Variants in SCMH1 observed in about 807,000 individuals in gnomAD.
SCMH1 encodes the protein polycomb protein SCMH1.
A neutral mutation model predicts 70.8 loss-of-function variants in SCMH1; 37 were observed. The ratio of observed to expected loss-of-function variants is 0.52; its 90% CI spans 0.40 to 0.69. SCMH1 has a LOEUF of 0.69. Ranked by LOEUF, SCMH1 falls within the 30% of genes least tolerant of loss-of-function variation. SCMH1 has a pLI of 0.00. For missense variants in SCMH1, 607 were observed against 827.3 expected, an observed-to-expected ratio of 0.73 and a Z score of 3.27; for synonymous variants, 292 against 307.4, an observed-to-expected ratio of 0.95 and a Z score of 0.52.
chr1:41,095,930 T>C (rs960560417), intron 8 of SCMH1, among the ~76,000 whole-genome samples: 19 of 152,262 alleles, frequency 1.2e-4, no homozygotes, highest in African/African-American at 4.1e-4. Context: ...GTTATAAAGA[T>C]TGTATAACAA....
In SCMH1 at chr1:41,205,952, G is replaced by A. The variant is rs562392666; in HGVS notation, c.-117-19702C>T. The stretch of plus-strand genomic sequence containing the variant: ...AACTCCAACAGACCTGCAGCTGAGG[G>A]ACCTGTTAGAAGGAAAACTAACAAA... On this transcript the variant is annotated intron_variant, in intron 1 of 14. Coordinates refer to ENST00000337495, the Ensembl canonical transcript of SCMH1. Among the ~76,000 whole-genome samples, 10 of 152,310 alleles carry A rather than the reference G, an allele frequency of 6.6e-5. No homozygotes were observed. In the East Asian group the frequency reaches 1.7e-3, roughly 26 times the overall value.
rs147507277 is a variant in SCMH1, at chr1:41,204,873, T to C, written c.-117-18623A>G. Among the ~76,000 whole-genome samples, 929 of 152,310 alleles carry C rather than the reference T, an allele frequency of 6.1e-3. 13 individuals carry two copies. The highest frequency in any genetic ancestry group is 0.021 in the African/African-American group (888 of 41,560). The stretch of plus-strand genomic sequence containing the variant: ...GTAAGAGGAGATACTCAATAGGTAT[T>C]TATTAATGAAATGGGTATATGCTAA... On this transcript the variant is annotated intron_variant, in intron 1 of 14. Coordinates refer to ENST00000337495, the Ensembl canonical transcript of SCMH1.
chr1:41,235,074 C>A (rs1490439405), intron 1 of SCMH1, among the ~76,000 whole-genome samples: 1 of 152,040 alleles, frequency 6.6e-6, no homozygotes, highest in Non-Finnish European at 1.5e-5. Flanking sequence ...TTACCATGCC[C>A]AATGCATTTT....
Position 41,075,163 on chromosome 1 carries a change from C to A in SCMH1, c.978+56G>T. 2 of 1,565,768 alleles carry A rather than the reference C, an allele frequency of 1.3e-6. 1 individual carries two copies. Among genetic ancestry groups the A allele is most frequent in the South Asian group, 2.2e-5 (2 of 89,818 alleles). On this transcript the variant is annotated intron_variant, in intron 9 of 14. Coordinates refer to ENST00000337495, the Ensembl canonical transcript of SCMH1. ...ACAGGCGTGAGCCACGGCGCCTGGC[C>A]GAATGACCCCTTTATAAACCCTTAT...
At chr1:41,140,050 G>GA (rs1471618408) in intron 6 of SCMH1, among the ~76,000 whole-genome samples, 1 of 152,074 alleles carries the variant, frequency 6.6e-6, no homozygotes, top group African/African-American at 2.4e-5. Flanking sequence ...TAAGGGTAAG[G>GA]AAAAAATGCA....
At chr1:41,166,544 G>GTA (rs1350492650) in intron 2 of SCMH1, among the ~76,000 whole-genome samples, 1 of 151,956 alleles carries the variant, frequency 6.6e-6, no homozygotes, top group Non-Finnish European at 1.5e-5. Context: ...AGTTCTCAGT[G>GTA]TATAGATCTT....
At chr1:41,091,167 T>A (rs7413800) in intron 8 of SCMH1, among the ~76,000 whole-genome samples, 2 of 152,032 alleles carry the variant, frequency 1.3e-5, no homozygotes, top group Non-Finnish European at 2.9e-5. Flanking sequence ...TCCAGCAGCA[T>A]GTCAAAAAGC....
At chr1:41,040,968 T>G (rs561349880) in intron 12 of SCMH1, among the ~76,000 whole-genome samples, 1 of 152,124 alleles carries the variant, frequency 6.6e-6, no homozygotes, top group Non-Finnish European at 1.5e-5. Context: ...TTGCCAAAGA[T>G]AGAGAGAACC....
intron 1 of SCMH1, among the ~76,000 whole-genome samples, chr1:41,213,785 A>T (rs1657540129): frequency 6.6e-6 from 1 of 152,138 alleles, no homozygotes; most frequent in Admixed American, 6.6e-5. Flanking sequence ...AACACTGATT[A>T]TGCTTTTCTC....
chr1:41,116,829 G>A (rs1670584513), intron 7 of SCMH1, 93 bp downstream of exon 7: 3 of 924,146 alleles, frequency 3.2e-6, no homozygotes, highest in Non-Finnish European at 4.8e-6. Context: ...TTTCTGAGAA[G>A]GCATCTTCAG....
At chr1:41,239,669 C>G (rs547941566) in intron 1 of SCMH1, among the ~76,000 whole-genome samples, 12 of 152,246 alleles carry the variant, frequency 7.9e-5, no homozygotes, top group African/African-American at 2.9e-4. Flanking sequence ...AAGATGGGGT[C>G]TCATTCTGTC....
intron 8 of SCMH1, among the ~76,000 whole-genome samples, chr1:41,077,707 A>G (rs1369428352): frequency 6.6e-6 from 1 of 152,214 alleles, no homozygotes; most frequent in Non-Finnish European, 1.5e-5. Context: ...AACCATAGGC[A>G]CAATCCAGAT....
At chr1:41,211,114 T>G (rs2148796831) in intron 1 of SCMH1, among the ~76,000 whole-genome samples, 1 of 152,242 alleles carries the variant, frequency 6.6e-6, no homozygotes, top group African/African-American at 2.4e-5. Flanking sequence ...GGCCAAAGAC[T>G]TCATGAGTAA....
intron 4 of SCMH1, among the ~76,000 whole-genome samples, chr1:41,156,341 T>A (rs535359414): frequency 1.1e-3 from 167 of 152,302 alleles, no homozygotes; most frequent in African/African-American, 3.8e-3. Context: ...AGATCAGAAA[T>A]TCCACTCCAC....
chr1:41,164,777 T>A (rs1259808326), intron 2 of SCMH1, among the ~76,000 whole-genome samples: 2 of 152,130 alleles, frequency 1.3e-5, no homozygotes, highest in Admixed American at 6.5e-5. Context: ...TAATTTTACA[T>A]ATTTATGGGG....
In SCMH1 at chr1:41,166,354, G is replaced by C. The variant is rs190624582; in HGVS notation, c.14-4922C>G. 5.9e-3 allele frequency among the ~76,000 whole-genome samples: 899 copies of C among 152,044 alleles called. 7 individuals carry two copies. The Middle Eastern group carries it at 0.071, about 12-fold the overall frequency. ...TTGTGTCTCCCCCACATTAATTTTA[G>C]CATTGTTTTTTCTACTTCTGTGAAG... On this transcript the variant is annotated intron_variant, in intron 2 of 14. Transcript: ENST00000337495.
At chr1:41,216,579 C>T (rs1434967073) in intron 1 of SCMH1, among the ~76,000 whole-genome samples, 2 of 152,192 alleles carry the variant, frequency 1.3e-5, no homozygotes, top group African/African-American at 4.8e-5. Context: ...AGGCTGAAGG[C>T]TTCCTGGCAC....
chr1:41,077,277 C>T (rs1658580795), intron 8 of SCMH1, among the ~76,000 whole-genome samples: 2 of 152,056 alleles, frequency 1.3e-5, no homozygotes, highest in African/African-American at 4.8e-5. Context: ...AAGGATCAGG[C>T]TTGGCATGTG....
chr1:41,104,567 G>C (rs1263912476), intron 8 of SCMH1, among the ~76,000 whole-genome samples: 1 of 152,144 alleles, frequency 6.6e-6, no homozygotes, highest in African/African-American at 2.4e-5. Context: ...TTGTATGTAT[G>C]TATCAAAATA....
Sources: gnomAD v4.1 joint callset for allele counts (sites outside exome capture counted in the v4.1 genomes callset) on GRCh38, gnomAD v4.1.1 for gene constraint, MANE v1.5 for transcripts, NCBI Gene and HGNC (gene_info 2026-07-23, HGNC 2026-07-21) for gene names.